The following KIF26B variants were observed in gnomAD, a reference collection of about 807,000 sequenced individuals.
The protein encoded by KIF26B is kinesin family member 26B.
Under a neutral mutation model 151.2 loss-of-function variants are expected in KIF26B, and 63 were observed. The observed-to-expected ratio is 0.42, with a 90% CI of 0.34 to 0.51. The LOEUF is 0.51. Ranked by LOEUF, KIF26B falls within the 20% of genes least tolerant of loss-of-function variation. The pLI is 0.07. For missense variants in KIF26B, 2,813 were observed against 2,913.6 expected, an observed-to-expected ratio of 0.97 and a Z score of 0.79; for synonymous variants, 1,357 against 1,262.1, an observed-to-expected ratio of 1.08 and a Z score of -1.59.
chr1:245,447,923 A>G (rs1262501858), intron 4 of KIF26B, among the ~76,000 whole-genome samples: 1 of 152,222 alleles, frequency 6.6e-6, no homozygotes, highest in Non-Finnish European at 1.5e-5. Context: ...TGGACCTGTA[A>G]CACTACTGGA....
intron 2 of KIF26B, among the ~76,000 whole-genome samples, chr1:245,364,422 CTTTTTTTT>C (rs763619030): frequency 1.0e-5 from 1 of 98,918 alleles, no homozygotes; most frequent in African/African-American, 4.5e-5. Flanking sequence ...CTCTCTCTCT[CTTTTTTTT>C]TTTTTTTTTT....
intron 4 of KIF26B, among the ~76,000 whole-genome samples, chr1:245,432,167 T>A (rs2103042214): frequency 6.6e-6 from 1 of 152,266 alleles, no homozygotes; most frequent in East Asian, 1.9e-4. Context: ...ATTTGCTGAA[T>A]GAATGAATCT....
chr1:245,202,271 C>CCT (rs74865059), intron 2 of KIF26B, among the ~76,000 whole-genome samples: 41,240 of 152,008 alleles, frequency 0.27, 6,140 homozygotes, highest in East Asian at 0.64. Context: ...CCTTGTGTAC[C>CCT]CTCTACCTTA....
intron 4 of KIF26B, among the ~76,000 whole-genome samples, chr1:245,536,672 G>C (rs1217518659): frequency 2.0e-5 from 3 of 152,172 alleles, no homozygotes; most frequent in Non-Finnish European, 2.9e-5. Flanking sequence ...GACTTAGTGG[G>C]TGTGATTTAT....
chr1:245,418,476 T>A (rs771938794), intron 3 of KIF26B, among the ~76,000 whole-genome samples: 1 of 152,238 alleles, frequency 6.6e-6, no homozygotes, highest in Non-Finnish European at 1.5e-5. Flanking sequence ...CTGCTAATAA[T>A]GAAAAGTAGA....
chr1:245,301,741 A>C (rs1449933186), intron 2 of KIF26B, among the ~76,000 whole-genome samples: 1 of 152,222 alleles, frequency 6.6e-6, no homozygotes, highest in East Asian at 1.9e-4. Flanking sequence ...AATCTGGTTC[A>C]AAGCTTAACA....
chr1:245,631,373 A>G (rs116386534), intron 9 of KIF26B, among the ~76,000 whole-genome samples: 2,748 of 152,246 alleles, frequency 0.018, 36 homozygotes, highest in South Asian at 0.053. Flanking sequence ...TCCTGTGTCT[A>G]TTGAGATGAT....
intron 2 of KIF26B, among the ~76,000 whole-genome samples, chr1:245,245,160 A>G (rs1670302831): frequency 6.6e-6 from 1 of 152,160 alleles, no homozygotes; most frequent in African/African-American, 2.4e-5. Context: ...GGAAGGTCTG[A>G]GGGTCTGCAG....
At chr1:245,333,545 A>G (rs1672160564) in intron 2 of KIF26B, among the ~76,000 whole-genome samples, 1 of 152,220 alleles carries the variant, frequency 6.6e-6, no homozygotes, top group South Asian at 2.1e-4. Context: ...TTACACAGTC[A>G]TGTGAATGTA....
At chr1:245,326,669 C>T (rs1413037763) in intron 2 of KIF26B, among the ~76,000 whole-genome samples, 3 of 152,200 alleles carry the variant, frequency 2.0e-5, no homozygotes, top group African/African-American at 2.4e-5. Context: ...GGAGACAGCC[C>T]GGCCTCCTCC....
chr1:245,407,014 C>T (rs1463904409), intron 3 of KIF26B, among the ~76,000 whole-genome samples: 1 of 152,142 alleles, frequency 6.6e-6, no homozygotes, highest in Non-Finnish European at 1.5e-5. Context: ...TCTTGAACCC[C>T]TGACCTCAAG....
chr1:245,685,352 C>T lies in KIF26B; in HGVS notation c.2422-53C>T, dbSNP rs533479199. On this transcript the variant is annotated intron_variant, in intron 11 of 14. Transcript: ENST00000407071. ...CCACTTGCCGCGCACAGCTGGGCTCCCGGGGAAACTGCCACGGAAAGGCCA... is the reference window on the plus strand; with the variant it reads ...CCACTTGCCGCGCACAGCTGGGCTCTCGGGGAAACTGCCACGGAAAGGCCA... The T allele has an allele frequency of 1.4e-4, 201 of 1,446,906 alleles. 1 individual carries two copies. The African/African-American group carries it at 2.6e-3, about 18-fold the overall frequency. The allele number at this position is 1,446,906 out of a possible 1,614,324, so 89.6% of individuals were successfully genotyped here. A position where few individuals can be genotyped will look rare whatever the true frequency, so the allele number is the denominator to read the frequency against.
At chr1:245,571,319 C>T (rs532975705) in intron 5 of KIF26B, among the ~76,000 whole-genome samples, 1 of 152,346 alleles carries the variant, frequency 6.6e-6, no homozygotes, top group East Asian at 1.9e-4. Flanking sequence ...CAATACCATG[C>T]AACTTCCAAA....
chr1:245,284,558 G>T (rs1671132066), intron 2 of KIF26B, among the ~76,000 whole-genome samples: 1 of 152,166 alleles, frequency 6.6e-6, no homozygotes, highest in Non-Finnish European at 1.5e-5. Flanking sequence ...TGTGGGGCAG[G>T]TTTTTGTTTG....
chr1:245,662,283 GATAT>G (rs779177176), intron 10 of KIF26B, among the ~76,000 whole-genome samples: 2 of 143,630 alleles, frequency 1.4e-5, no homozygotes, highest in Admixed American at 7.0e-5. Flanking sequence ...TACACCCAAT[GATAT>G]ATATACTCAC....
At chr1:245,511,539 G>C (rs1660836934) in intron 4 of KIF26B, among the ~76,000 whole-genome samples, 1 of 152,238 alleles carries the variant, frequency 6.6e-6, no homozygotes, top group African/African-American at 2.4e-5. Flanking sequence ...AAGTTAGCCT[G>C]TGGCTTTCAG....
chr1:245,410,116 G>A (rs569928274), intron 3 of KIF26B, among the ~76,000 whole-genome samples: 1 of 152,274 alleles, frequency 6.6e-6, no homozygotes, highest in South Asian at 2.1e-4. Context: ...GGTTTGTGTG[G>A]GGGCTTTCCC....
At chr1:245,502,863 T>A (rs1267372228) in intron 4 of KIF26B, among the ~76,000 whole-genome samples, 1 of 144,212 alleles carries the variant, frequency 6.9e-6, no homozygotes, top group Non-Finnish European at 1.5e-5. Flanking sequence ...ATGGTGAACT[T>A]TTTTTTTTTT....
chr1:245,603,650 C>T (rs563352399), intron 6 of KIF26B, among the ~76,000 whole-genome samples: 9 of 152,270 alleles, frequency 5.9e-5, no homozygotes, highest in African/African-American at 2.2e-4. Context: ...CGGTCGTCAT[C>T]CAGCAGGCTA....
Sources: allele counts gnomAD v4.1 joint callset (sites outside exome capture counted in the v4.1 genomes callset), GRCh38; gene constraint gnomAD v4.1.1; transcripts MANE v1.5; gene names NCBI Gene and HGNC (gene_info 2026-07-23, HGNC 2026-07-21).